The following CCDC71 variants were observed in gnomAD, a reference collection of about 807,000 sequenced individuals.
CCDC71 encodes the protein coiled-coil domain-containing protein 71.
For missense variants in CCDC71, 594 were observed against 604.0 expected (o/e 0.98, Z 0.17); for synonymous variants, 257 against 242.2 (o/e 1.06, Z -0.57).
intron 1 of CCDC71, among the ~76,000 whole-genome samples, chr3:49,164,755 G>T (rs2045713212): frequency 6.6e-6 from 1 of 152,186 alleles, no homozygotes; most frequent in Non-Finnish European, 1.5e-5. Flanking sequence ...TATGAGTGAT[G>T]AATGAAAAAT....
Position 49,164,280 on chromosome 3 carries a change from G to A in CCDC71, c.-52-20C>T. On this transcript the variant is annotated intron_variant, in intron 1 of 1. Coordinates refer to ENST00000321895, the MANE Select transcript of CCDC71 (RefSeq NM_022903.4). Reference sequence around the variant, plus strand: ...TGGCACCTCCAAGACAAGAGGAAAAGAGTCAATAAGAATGGCACTAAGACA... The same window carrying A: ...TGGCACCTCCAAGACAAGAGGAAAAAAGTCAATAAGAATGGCACTAAGACA... The A allele has an allele frequency of 6.9e-7, 1 of 1,455,868 alleles. No homozygotes were observed. The highest frequency in any genetic ancestry group is 9.5e-7 in the Non-Finnish European group (1 of 1,058,068). 90.2% of individuals were successfully genotyped at this position (1,455,868 alleles called of 1,614,324 possible).
At chr3:49,165,485 GC>G (rs899801980) in intron 1 of CCDC71, among the ~76,000 whole-genome samples, 1 of 152,272 alleles carries the variant, frequency 6.6e-6, no homozygotes, top group African/African-American at 2.4e-5. Context: ...CCAGGATCAG[GC>G]AGGTCCCTCG....
Position 49,163,302 on chromosome 3 carries a change from G to C in CCDC71, c.907C>G (p.Gln303Glu). 2 of 1,613,790 alleles carry C rather than the reference G, an allele frequency of 1.2e-6. No individual in the cohort carries two copies. Among genetic ancestry groups the C allele is most frequent in the Non-Finnish European group, 1.7e-6 (2 of 1,179,886 alleles). Residue 303 changes from glutamine (Q) to glutamate (E), a missense_variant, in exon 2 of 2, where the codon CAG becomes GAG. Coordinates refer to ENST00000321895, the MANE Select transcript of CCDC71 (RefSeq NM_022903.4). The stretch of plus-strand genomic sequence containing the variant: ...GCCCGGGCCTTAGCAGCCTTGGCCT[G>C]TGTTCGAGCCACCTTGGCTTGGGCA... ...ARAQAKVART[Q>E]AKAAKARAKA... is the part of the protein sequence containing the mutation.
chr3:49,162,747 G>A lies in CCDC71; in HGVS notation c.*58C>T, dbSNP rs2045698001. ...GGAGTCCACGGACATAGCACACTGT[G>A]CCACTAGCCACACAGACAGCTGGGC... On this transcript the variant is annotated 3_prime_UTR_variant, in exon 2 of 2. Transcript: ENST00000321895. 4.5e-6 allele frequency: 7 copies of A among 1,540,514 alleles called. No homozygotes were observed. The highest frequency in any genetic ancestry group is 1.4e-5 in the African/African-American group (1 of 73,700).
chr3:49,163,268 T>C lies in CCDC71; in HGVS notation c.941A>G (p.Lys314Arg), dbSNP rs1455917009. The C allele has an allele frequency of 1.9e-6, 3 of 1,590,332 alleles. No homozygotes were observed. Among genetic ancestry groups the C allele is most frequent in the East Asian group, 2.3e-5 (1 of 44,382 alleles). Reference protein sequence around the residue: ...AKAAKARAKAKAAQVKAKAKA... With the variant: ...AKAAKARAKARAAQVKAKAKA... Reference sequence around the variant, plus strand: ...GGCCTTAGCCTTGACCTGTGCTGCCTTGGCCTTGGCCCGGGCCTTAGCAGC... The same window carrying C: ...GGCCTTAGCCTTGACCTGTGCTGCCCTGGCCTTGGCCCGGGCCTTAGCAGC... Residue 314 changes from lysine (K) to arginine (R), a missense_variant, in exon 2 of 2, where the codon AAG (lysine) becomes AGG (arginine). Lys to Arg is a conservative substitution (Grantham distance 26). Transcript: ENST00000321895.
intron 1 of CCDC71, among the ~76,000 whole-genome samples, chr3:49,165,767 C>T (rs567953904): frequency 2.6e-5 from 4 of 152,384 alleles, no homozygotes; most frequent in Admixed American, 2.0e-4. Flanking sequence ...CACCCTCACA[C>T]GCGCCCCAGC....
rs1487339688 is a variant in CCDC71, at chr3:49,163,846, T to C, written c.363A>G (p.Leu121=). 1 of 1,614,182 alleles carries C rather than the reference T, an allele frequency of 6.2e-7. No homozygotes were observed. Among genetic ancestry groups the C allele is most frequent in the East Asian group, 2.2e-5 (1 of 44,884 alleles). The stretch of plus-strand genomic sequence containing the variant: ...TGGATGCTTTGGCCAGTCTGCCAGA[T>C]AGCGGCATGGGAAGCAGTGTGGCCC... The part of the protein sequence containing the change: ...AGRATLLPMP[L]SGRLAKASTP... The change falls in exon 2 of 2, where the codon CTA becomes CTG. Residue 121 remains leucine, a synonymous_variant. Coordinates refer to ENST00000321895, the MANE Select transcript of CCDC71 (RefSeq NM_022903.4).
At chr3:49,165,854 G>A (rs2045720584) in intron 1 of CCDC71, among the ~76,000 whole-genome samples, 1 of 152,212 alleles carries the variant, frequency 6.6e-6, no homozygotes, top group South Asian at 2.1e-4. Flanking sequence ...CTGGGCTTTC[G>A]AGAAGCTTCG....
rs1399572929 is a variant in CCDC71 at position 49,163,089 on chromosome 3, T to C, written c.1120A>G (p.Thr374Ala). The C allele has an allele frequency of 6.2e-7, 1 of 1,614,282 alleles. No homozygotes were observed. The change falls in exon 2 of 2, where the codon ACT (threonine) becomes GCT (alanine). Residue 374 changes from threonine (T) to alanine (A), a missense_variant. By Grantham distance (58) the Thr-to-Ala change is moderately conservative. Transcript: ENST00000321895. The stretch of plus-strand genomic sequence containing the variant: ...CGGTTTTTCTGGCCCTTCCTTGTAG[T>C]TCTGGCCTTAGCAGATCCCTTTGGC... ...GRPKGSAKAR[T>A]TRKGQKNRPE...
At position 49,162,849 on chromosome 3, in the gene CCDC71, G is replaced by C; in HGVS notation, c.1360C>G (p.Pro454Ala). Residue 454 changes from proline (P) to alanine (A), a missense_variant, in exon 2 of 2, where the codon CCT becomes GCT. Physicochemically the swap from Pro to Ala is conservative, Grantham distance 27 (BLOSUM62 -1). Coordinates refer to ENST00000321895, the MANE Select transcript of CCDC71 (RefSeq NM_022903.4). The part of the protein sequence containing the change: ...AQRILRVNLS[P>A]VIRLQPLLPY... ...AGCAATGGCTGGAGCCGTATTACAGGTGACAGGTTCACGCGGAGGATCCGC... is the reference window on the plus strand; with the variant it reads ...AGCAATGGCTGGAGCCGTATTACAGCTGACAGGTTCACGCGGAGGATCCGC... The C allele has an allele frequency of 6.2e-7, 1 of 1,613,944 alleles. No individual in the cohort carries two copies. The highest frequency in any genetic ancestry group is 8.5e-7 in the Non-Finnish European group (1 of 1,180,008).
rs1428656643 is a variant in CCDC71 at position 49,166,324 on chromosome 3, G to A, written c.-110C>T. ...TGCGCCGCCTCCGCTGCTCCAACAT[G>A]GCCGCCCGCTGCGCGCCGGAAGTGC... is the stretch of plus-strand genomic sequence containing the variant. On this transcript the variant is annotated 5_prime_UTR_variant, in exon 1 of 2. Coordinates refer to ENST00000321895, the MANE Select transcript of CCDC71 (RefSeq NM_022903.4). The surrounding 1 kb of genome is among the most constrained non-coding windows in gnomAD (Gnocchi z 4.0). The A allele has an allele frequency of 6.6e-6, 1 of 152,544 alleles. No individual in the cohort carries two copies. The highest frequency in any genetic ancestry group is 1.5e-5 in the Non-Finnish European group (1 of 68,060). The allele number at this position is 152,544 out of a possible 1,614,324, so 9.4% of individuals were successfully genotyped here.
chr3:49,165,787 T>C (rs1166650540), intron 1 of CCDC71, among the ~76,000 whole-genome samples: 2 of 152,222 alleles, frequency 1.3e-5, no homozygotes, highest in African/African-American at 4.8e-5. Flanking sequence ...CGCAAATATT[T>C]GGGGTGACCT....
rs756661871 is a variant in CCDC71 at position 49,163,803 on chromosome 3, G to C, written c.406C>G (p.His136Asp). The change falls in exon 2 of 2, where the codon CAT (histidine) becomes GAT (aspartate). Residue 136 changes from histidine to aspartate, a missense_variant. Physicochemically the swap from His to Asp is moderately conservative, Grantham distance 81 (BLOSUM62 -1). Transcript: ENST00000321895. Reference protein sequence around the residue: ...AKASTPALAKHATTNLLLSSL... With the variant: ...AKASTPALAKDATTNLLLSSL... The stretch of plus-strand genomic sequence containing the variant: ...CTCAGCAGCAGGTTGGTGGTAGCAT[G>C]CTTGGCAAGGGCTGGTGTGGATGCT... 3 of 1,614,186 alleles carry C rather than the reference G, an allele frequency of 1.9e-6. No individual in the cohort carries two copies. The highest frequency in any genetic ancestry group is 3.3e-5 in the Admixed American group (2 of 60,024).
chr3:49,165,379 A>G (rs1207434370), intron 1 of CCDC71, among the ~76,000 whole-genome samples: 1 of 152,246 alleles, frequency 6.6e-6, no homozygotes, highest in Non-Finnish European at 1.5e-5. Context: ...AGCTGTGGAC[A>G]TCAATCATAA....
At position 49,163,631 on chromosome 3, in the gene CCDC71, C is replaced by T. The variant is rs750679924; in HGVS notation, c.578G>A (p.Gly193Asp). Reference protein sequence around the residue: ...VPLKTPMPCLGAKHKAQSLQL... With the variant: ...VPLKTPMPCLDAKHKAQSLQL... The stretch of plus-strand genomic sequence containing the variant: ...CAGTGACTGTGCCTTGTGCTTGGCA[C>T]CCAAGCAGGGCATGGGAGTCTTAAG... Residue 193 changes from glycine to aspartate, a missense_variant, in exon 2 of 2, where the codon GGT (glycine) becomes GAT (aspartate). Coordinates refer to ENST00000321895, the MANE Select transcript of CCDC71 (RefSeq NM_022903.4). The T allele has an allele frequency of 6.2e-7, 1 of 1,614,158 alleles. No individual in the cohort carries two copies. The highest frequency in any genetic ancestry group is 8.5e-7 in the Non-Finnish European group (1 of 1,180,036).
rs1194510233 is a variant in CCDC71 at position 49,163,761 on chromosome 3, T to A, written c.448A>T (p.Ser150Cys). ...NLLLSSLKQSSASHARGAAVG... is the reference protein window; with the variant it reads ...NLLLSSLKQSCASHARGAAVG... ...GCTGCACCCCGGGCATGGCTGGCAC[T>A]TGATTGCTTCAGAGAGCTCAGCAGC... The change falls in exon 2 of 2, where the codon AGT becomes TGT. Residue 150 changes from serine (S) to cysteine (C), a missense_variant. By Grantham distance (112) the Ser-to-Cys change is moderately radical. Coordinates refer to ENST00000321895, the MANE Select transcript of CCDC71 (RefSeq NM_022903.4). 1 of 1,614,138 alleles carries A rather than the reference T, an allele frequency of 6.2e-7. No homozygotes were observed. Among genetic ancestry groups the A allele is most frequent in the East Asian group, 2.2e-5 (1 of 44,876 alleles).
chr3:49,163,064 C>A lies in CCDC71; in HGVS notation c.1145G>T (p.Arg382Leu), dbSNP rs148872443. 5 of 1,614,268 alleles carry A rather than the reference C, an allele frequency of 3.1e-6. No homozygotes were observed. The highest frequency in any genetic ancestry group is 4.5e-5 in the East Asian group (2 of 44,874). ...CCTCTTCTGCCCAACAGTCTCAGGG[C>A]GGTTTTTCTGGCCCTTCCTTGTAGT... ...ARTTRKGQKN[R>L]PETVGQKRKR... Residue 382 changes from arginine (R) to leucine (L), a missense_variant, in exon 2 of 2, where the codon CGC becomes CTC. Physicochemically the swap from Arg to Leu is moderately radical, Grantham distance 102. Transcript: ENST00000321895.
At position 49,163,103 on chromosome 3, in the gene CCDC71, G is replaced by C. The variant is rs1327858368; in HGVS notation, c.1106C>G (p.Ser369Cys). 6.2e-7 allele frequency: 1 copy of C among 1,614,264 alleles called. No homozygotes were observed. The highest frequency in any genetic ancestry group is 8.5e-7 in the Non-Finnish European group (1 of 1,180,048). Residue 369 changes from serine to cysteine, a missense_variant, in exon 2 of 2, where the codon TCT becomes TGT. Physicochemically the swap from Ser to Cys is moderately radical, Grantham distance 112. Transcript: ENST00000321895. The part of the protein sequence containing the change: ...QPRGRGRPKG[S>C]AKARTTRKGQ... The stretch of plus-strand genomic sequence containing the variant: ...CTTCCTTGTAGTTCTGGCCTTAGCA[G>C]ATCCCTTTGGCCTGCCTCTGCCCCT...
At position 49,162,930 on chromosome 3, in the gene CCDC71, G is replaced by A. The variant is rs745549213; in HGVS notation, c.1279C>T (p.Arg427Cys). Residue 427 changes from arginine to cysteine, a missense_variant, in exon 2 of 2, where the codon CGT becomes TGT. Arg to Cys is a radical substitution (Grantham distance 180, BLOSUM62 -3). Transcript: ENST00000321895. ...GPGTAKLLKF[R>C]AIKVDRRSSD... ...GACCGCCTATCTACCTTTATGGCAC[G>A]GAACTTCAGCAGCTTTGCTGTTCCA... 37 of 1,614,132 alleles carry A rather than the reference G, an allele frequency of 2.3e-5. No individual in the cohort carries two copies. The highest frequency in any genetic ancestry group is 3.3e-5 in the Admixed American group (2 of 60,010).
Sources: gnomAD v4.1 joint callset for allele counts (sites outside exome capture counted in the v4.1 genomes callset) on GRCh38, gnomAD v4.1.1 for gene constraint, Gnocchi (gnomAD v3.1) non-coding constraint, MANE v1.5 for transcripts, NCBI Gene and HGNC (gene_info 2026-07-23, HGNC 2026-07-21) for gene names.